The following NUMB variants were observed in gnomAD, a reference collection of about 807,000 sequenced individuals.
NUMB encodes protein numb homolog.
A neutral mutation model predicts 59.7 loss-of-function variants in NUMB; 29 were observed. The ratio of observed to expected loss-of-function variants is 0.49; its 90% CI spans 0.36 to 0.66. The LOEUF is 0.66. NUMB is among the 30% of genes least tolerant of loss of function. The pLI, the probability that NUMB is intolerant of heterozygous loss-of-function variation, is 0.00. For missense variants in NUMB, 723 were observed against 822.0 expected (o/e 0.88, Z 1.47); for synonymous variants, 288 against 288.2 (o/e 1.00, Z 0.01).
chr14:73,350,216 C>T (rs1349530896), intron 4 of NUMB, among the ~76,000 whole-genome samples: 1 of 150,306 alleles, frequency 6.7e-6, no homozygotes, highest in Non-Finnish European at 1.5e-5. Context: ...GTCTATCACC[C>T]AGGCTGGGGT....
chr14:73,418,034 G>A (rs558451270), intron 1 of NUMB, among the ~76,000 whole-genome samples: 272 of 152,048 alleles, frequency 1.8e-3, no homozygotes, highest in Non-Finnish European at 2.9e-3. Flanking sequence ...GAACCCAGGA[G>A]GCGGAGGTCA....
At chr14:73,302,575 T>A (rs896922819) in intron 6 of NUMB, among the ~76,000 whole-genome samples, 1 of 151,840 alleles carries the variant, frequency 6.6e-6, no homozygotes, top group African/African-American at 2.4e-5. Flanking sequence ...CCCAGCTAAT[T>A]TTTTTGTATT....
chr14:73,349,998 T>C (rs889753780), intron 4 of NUMB, among the ~76,000 whole-genome samples: 6 of 151,830 alleles, frequency 4.0e-5, no homozygotes, highest in Non-Finnish European at 7.4e-5. Context: ...TGAGGCGTGG[T>C]TGCACCACTG....
rs55831976 is a variant in NUMB at position 73,390,638 on chromosome 14, C to CTTTT, written c.-101+19295_-101+19298dup. 6.9e-3 allele frequency among the ~76,000 whole-genome samples: 270 copies of CTTTT among 39,416 alleles called. 34 individuals are homozygous for CTTTT. Among genetic ancestry groups the CTTTT allele is most frequent in the African/African-American group, 0.012 (130 of 10,900 alleles). The allele number at this position is 39,416 out of a possible 152,430, so 25.9% of individuals were successfully genotyped here. A position where few individuals can be genotyped will look rare whatever the true frequency, so the allele number is the denominator to read the frequency against. On this transcript the variant is annotated intron_variant, in intron 2 of 12. Transcript: ENST00000555238. ...ATTTCCTTGAGGACAAAAACAAAGTCTTTTTTTTTTTTTTTTTTTTTTTTT... is the reference window on the plus strand; with the variant it reads ...ATTTCCTTGAGGACAAAAACAAAGTCTTTTTTTTTTTTTTTTTTTTTTTTTTTTT...
intron 6 of NUMB, among the ~76,000 whole-genome samples, chr14:73,307,263 T>G (rs1420106190): frequency 6.6e-6 from 1 of 151,368 alleles, no homozygotes; most frequent in South Asian, 2.1e-4. Flanking sequence ...GAGCCGAGAT[T>G]GCGCCACTGC....
rs2139998950 is a variant in NUMB at position 73,349,754 on chromosome 14, C to CT, written c.126+5871dup. Among the ~76,000 whole-genome samples, 3 of 152,056 alleles carry CT rather than the reference C, an allele frequency of 2.0e-5. 1 individual carries two copies. Among genetic ancestry groups the CT allele is most frequent in the African/African-American group, 7.2e-5 (3 of 41,474 alleles). ...ATTAGCCAGGCGTGGTGGCAGGTGCCTGTAGTCCCAGCTACTTGGGAGGCT... is the reference window on the plus strand; with the variant it reads ...ATTAGCCAGGCGTGGTGGCAGGTGCCTTGTAGTCCCAGCTACTTGGGAGGCT... On this transcript the variant is annotated intron_variant, in intron 4 of 12. Transcript: ENST00000555238.
At chr14:73,294,946 T>C in intron 7 of NUMB, among the ~76,000 whole-genome samples, 1 of 41,242 alleles carries the variant, frequency 2.4e-5, no homozygotes, top group Non-Finnish European at 3.8e-5. Context: ...TGAGAACCCA[T>C]CTCTAAAAAA....
Position 73,351,245 on chromosome 14 carries a change from G to A in NUMB, c.126+4381C>T, listed in dbSNP as rs185144668. Among the ~76,000 whole-genome samples the A allele has an allele frequency of 1.2e-3, 190 of 152,256 alleles. 3 individuals carry two copies. Among genetic ancestry groups the A allele is most frequent in the African/African-American group, 4.3e-3 (179 of 41,544 alleles). ...TCCCAGGACTTTGGGAGACTGAGGC[G>A]GGCGGATCACAAGGTCAAGAGATCG... On this transcript the variant is annotated intron_variant, in intron 4 of 12. Transcript: ENST00000555238.
intron 6 of NUMB, among the ~76,000 whole-genome samples, chr14:73,301,360 G>T (rs1332954339): frequency 6.6e-6 from 1 of 152,178 alleles, no homozygotes; most frequent in Non-Finnish European, 1.5e-5. Context: ...AAAAATAAAA[G>T]GTCAGTTTAG....
chr14:73,361,188 C>T (rs1710992969), intron 3 of NUMB, among the ~76,000 whole-genome samples: 1 of 152,178 alleles, frequency 6.6e-6, no homozygotes, highest in Admixed American at 6.5e-5. Flanking sequence ...CTGCACATGG[C>T]CTATAGTTTC....
In NUMB at chr14:73,386,866, TA is replaced by T. The variant is rs139029653; in HGVS notation, c.-100-19886del. Reference sequence around the variant, plus strand: ...ATACAAGACAATCTATCAGGTGTCTTATTTTTTTTTTTTTTTTTTTTTTTTT... The same window carrying T: ...ATACAAGACAATCTATCAGGTGTCTTTTTTTTTTTTTTTTTTTTTTTTTTT... On this transcript the variant is annotated intron_variant, in intron 2 of 12. Transcript: ENST00000555238. Among the ~76,000 whole-genome samples, 116 of 111,944 alleles carry T rather than the reference TA, an allele frequency of 1.0e-3. 1 individual carries two copies. Among genetic ancestry groups the T allele is most frequent in the African/African-American group, 4.4e-3 (107 of 24,192 alleles). The allele number at this position is 111,944 out of a possible 152,430, so 73.4% of individuals were successfully genotyped here.
chr14:73,369,332 C>T (rs897996963), intron 2 of NUMB, among the ~76,000 whole-genome samples: 1 of 152,106 alleles, frequency 6.6e-6, no homozygotes, highest in Non-Finnish European at 1.5e-5. Flanking sequence ...TGAGCCACCG[C>T]GCCTGGCCCT....
At chr14:73,402,966 A>C (rs1458031955) in intron 2 of NUMB, among the ~76,000 whole-genome samples, 1 of 152,214 alleles carries the variant, frequency 6.6e-6, no homozygotes, top group Non-Finnish European at 1.5e-5. Context: ...TAATCATATA[A>C]CTGTGACAGA....
chr14:73,289,593 C>A (rs1330514589), intron 8 of NUMB, among the ~76,000 whole-genome samples: 1 of 152,174 alleles, frequency 6.6e-6, no homozygotes, highest in Non-Finnish European at 1.5e-5. Context: ...TATTAGTTAT[C>A]ATAAGGACAG....
intron 2 of NUMB, among the ~76,000 whole-genome samples, chr14:73,371,698 C>T (rs1894681194): frequency 6.6e-6 from 1 of 152,044 alleles, no homozygotes; most frequent in South Asian, 2.1e-4. Flanking sequence ...AGTGATTAGG[C>T]CAGGAGGGCT....
At chr14:73,420,471 A>G (rs1451021117) in intron 1 of NUMB, among the ~76,000 whole-genome samples, 2 of 152,046 alleles carry the variant, frequency 1.3e-5, no homozygotes, top group Non-Finnish European at 2.9e-5. Flanking sequence ...CTGTGTGTGC[A>G]TGTGTGTGTA....
intron 2 of NUMB, among the ~76,000 whole-genome samples, chr14:73,370,537 C>CA (rs1894614667): frequency 6.6e-6 from 1 of 152,012 alleles, no homozygotes; most frequent in Non-Finnish European, 1.5e-5. Context: ...ACTAAAAATA[C>CA]AAAAATTAGC....
At chr14:73,440,858 A>G (rs1473340404) in intron 1 of NUMB, among the ~76,000 whole-genome samples, 2 of 142,776 alleles carry the variant, frequency 1.4e-5, no homozygotes, top group Non-Finnish European at 3.0e-5. Flanking sequence ...AAAGGACTTG[A>G]GCCAGCGTGG....
At chr14:73,455,756 C>T (rs759555921) in intron 1 of NUMB, among the ~76,000 whole-genome samples, 7 of 151,110 alleles carry the variant, frequency 4.6e-5, no homozygotes, top group Non-Finnish European at 7.4e-5. Flanking sequence ...GTGTTTCTTA[C>T]TTTGTTTTTG....
Sources: allele counts gnomAD v4.1 joint callset (sites outside exome capture counted in the v4.1 genomes callset), GRCh38; gene constraint gnomAD v4.1.1; transcripts MANE v1.5; gene names NCBI Gene and HGNC (gene_info 2026-07-23, HGNC 2026-07-21).